Variants in LIM2 observed in about 807,000 individuals in gnomAD.
The protein encoded by LIM2 is lens intrinsic membrane protein 2.
LIM2 carries 14 observed loss-of-function variants against 19.0 expected under a neutral mutation model. The observed-to-expected ratio is 0.74, with a 90% CI of 0.49 to 1.15. The LOEUF is 1.15. Ranked by LOEUF, LIM2 falls within the 50% of genes most tolerant of loss-of-function variation. The pLI is 0.00. For synonymous variants in LIM2, 78 were observed against 89.6 expected (o/e 0.87, Z 0.73); for missense variants, 230 against 243.5 (o/e 0.94, Z 0.37).
rs1986847381 is a variant in LIM2, at chr19:51,379,973, A to G, written c.*228T>C. 3 of 600,038 alleles carry G rather than the reference A, an allele frequency of 5.0e-6. No homozygotes were observed. 37.2% of individuals were successfully genotyped at this position (600,038 alleles called of 1,614,324 possible). On this transcript the variant is annotated 3_prime_UTR_variant, in exon 5 of 5. Transcript: ENST00000596399. Reference sequence around the variant, plus strand: ...CTAATGGATAGTCCATTTTTCTAACAACCTGCCAGGCAGACGGGGACTTGA... The same window carrying G: ...CTAATGGATAGTCCATTTTTCTAACGACCTGCCAGGCAGACGGGGACTTGA...
intron 2 of LIM2, among the ~76,000 whole-genome samples, chr19:51,385,010 A>G (rs1019211861): frequency 1.3e-5 from 2 of 152,032 alleles, no homozygotes; most frequent in Non-Finnish European, 2.9e-5. Context: ...CCACGGGAGC[A>G]CACCACCACG....
At chr19:51,381,610 T>G (rs1383709881) in intron 3 of LIM2, among the ~76,000 whole-genome samples, 1 of 152,202 alleles carries the variant, frequency 6.6e-6, no homozygotes, top group Non-Finnish European at 1.5e-5. Context: ...CTCTGCCCTC[T>G]GTGTCTCTTC....
At chr19:51,387,546 G>A (rs910101236) in intron 1 of LIM2, 97 bp from the exon 2 acceptor site, 1 of 1,548,252 alleles carries the variant, frequency 6.5e-7, no homozygotes, top group Non-Finnish European at 8.8e-7. Context: ...GATGCCAAGT[G>A]CTTGGGAGAA....
intron 2 of LIM2, among the ~76,000 whole-genome samples, chr19:51,383,934 C>G (rs1328284102): frequency 6.6e-6 from 1 of 152,180 alleles, no homozygotes; most frequent in Non-Finnish European, 1.5e-5. Context: ...ACCCAGTCTT[C>G]TGCCTTGTAG....
At chr19:51,383,982 G>A (rs183731154) in intron 2 of LIM2, among the ~76,000 whole-genome samples, 1 of 152,278 alleles carries the variant, frequency 6.6e-6, no homozygotes, top group Admixed American at 6.5e-5. Context: ...GTTTCTCCAT[G>A]GATTTTATGG....
chr19:51,382,079 C>T (rs779911149), intron 3 of LIM2, among the ~76,000 whole-genome samples: 95 of 152,244 alleles, frequency 6.2e-4, no homozygotes, highest in Non-Finnish European at 1.0e-3. Context: ...TAGTTTGTAG[C>T]CAGTGGATCA....
At chr19:51,383,027 C>CTTTTTTTTTTTTTTTTTTTTTTTT (rs1163859181) in intron 2 of LIM2, among the ~76,000 whole-genome samples, 3 of 88,304 alleles carry the variant, frequency 3.4e-5, no homozygotes, top group Admixed American at 1.7e-4. Context: ...TTTTTCTTTT[C>CTTTTTTTTTTTTTTTTTTTTTTTT]TTTTTTTTTT....
intron 2 of LIM2, among the ~76,000 whole-genome samples, chr19:51,385,014 C>T (rs1306331245): frequency 6.6e-6 from 1 of 151,986 alleles, no homozygotes; most frequent in Non-Finnish European, 1.5e-5. Flanking sequence ...GGGAGCACAC[C>T]ACCACGCCCA....
intron 2 of LIM2, 109 bp downstream of exon 2, chr19:51,387,160 C>T: frequency 6.2e-7 from 1 of 1,609,532 alleles, no homozygotes; most frequent in Non-Finnish European, 8.5e-7. Context: ...TGCTCCCTTT[C>T]CCTCTTTGAG....
intron 2 of LIM2, 161 bp downstream of exon 2, chr19:51,387,108 G>T (rs375094725): frequency 7.4e-7 from 1 of 1,346,976 alleles, no homozygotes; most frequent in African/African-American, 1.4e-5. Flanking sequence ...AAACAACCCT[G>T]TAGTCCCAGT....
chr19:51,384,697 G>A (rs1435493199), intron 2 of LIM2, among the ~76,000 whole-genome samples: 2 of 152,222 alleles, frequency 1.3e-5, no homozygotes, highest in Admixed American at 6.5e-5. Context: ...GAGACAACAC[G>A]TTTCTGTTGT....
At chr19:51,383,420 TC>T (rs2123668812) in intron 2 of LIM2, among the ~76,000 whole-genome samples, 1 of 152,348 alleles carries the variant, frequency 6.6e-6, no homozygotes, top group African/African-American at 2.4e-5. Context: ...TGTCTGTCTC[TC>T]CTCAGTAAAT....
Position 51,387,257 on chromosome 19 carries a change from C to G in LIM2, c.175+12G>C, listed in dbSNP as rs770626014. ...CCCCAGGCGCGGCCTGGACCCTGGCCGGGGGGCTCACCGATGCTGTCTGTC... is the reference window on the plus strand; with the variant it reads ...CCCCAGGCGCGGCCTGGACCCTGGCGGGGGGGCTCACCGATGCTGTCTGTC... On this transcript the variant is annotated intron_variant, in intron 2 of 4. Transcript: ENST00000596399. 3.1e-6 allele frequency: 5 copies of G among 1,614,018 alleles called. No homozygotes were observed. Among genetic ancestry groups the G allele is most frequent in the African/African-American group, 1.3e-5 (1 of 74,932 alleles).
chr19:51,382,750 C>T (rs1017302581), intron 2 of LIM2, among the ~76,000 whole-genome samples, 183 bp from the exon 3 acceptor site: 8 of 152,144 alleles, frequency 5.3e-5, no homozygotes, highest in Non-Finnish European at 1.0e-4. Flanking sequence ...GCACAGCTCC[C>T]GTGACCCATC....
At chr19:51,382,651 C>T in intron 2 of LIM2, 84 bp from the exon 3 acceptor site, 3 of 1,578,846 alleles carry the variant, frequency 1.9e-6, no homozygotes, top group Non-Finnish European at 2.6e-6. Context: ...AAATGCCTTG[C>T]CCCTTTCCAT....
At position 51,380,535 on chromosome 19, in the gene LIM2, A is replaced by G; in HGVS notation, c.430T>C (p.Trp144Arg). ...AAGAACGTCATGAGCACTGCCACCC[A>G]GCCCAGGATGTAGGACCAGGAAAAG... is the stretch of plus-strand genomic sequence containing the variant. ...WRFSWSYILG[W>R]VAVLMTFFAG... The change falls in exon 4 of 5, where the codon TGG (tryptophan) becomes CGG (arginine). Residue 144 changes from tryptophan (W) to arginine (R), a missense_variant. Trp to Arg is a moderately radical substitution (Grantham distance 101, BLOSUM62 -3). Transcript: ENST00000596399. 6.2e-7 allele frequency: 1 copy of G among 1,614,178 alleles called. No homozygotes were observed. Among genetic ancestry groups the G allele is most frequent in the Non-Finnish European group, 8.5e-7 (1 of 1,180,046 alleles).
chr19:51,384,447 A>G lies in LIM2; in HGVS notation c.176-1880T>C, dbSNP rs1453447835. ...CTCCAACTCAAAAACAAAACAAAAC[A>G]TAAAACAAAGACTGCCGTCCTTATA... On this transcript the variant is annotated intron_variant, in intron 2 of 4. Transcript: ENST00000596399. 2.0e-5 allele frequency among the ~76,000 whole-genome samples: 3 copies of G among 152,170 alleles called. No individual in the cohort carries two copies. The East Asian group carries it at 5.8e-4, about 29-fold the overall frequency.
chr19:51,382,829 G>A lies in LIM2; in HGVS notation c.176-262C>T, dbSNP rs569687987. Among the ~76,000 whole-genome samples, 27 of 152,014 alleles carry A rather than the reference G, an allele frequency of 1.8e-4. No individual in the cohort carries two copies. The Middle Eastern group carries it at 0.01, about 57-fold the overall frequency. ...ACGGCTAAGGGTTGTGACTCTCTTT[G>A]TCTGTCTCCCCCTCCAGCCTGATTG... is the stretch of plus-strand genomic sequence containing the variant. On this transcript the variant is annotated intron_variant, in intron 2 of 4. Coordinates refer to ENST00000596399, the MANE Select transcript of LIM2 (RefSeq NM_001161748.2).
intron 2 of LIM2, among the ~76,000 whole-genome samples, chr19:51,383,582 T>C (rs1986958052): frequency 6.6e-6 from 1 of 152,200 alleles, no homozygotes; most frequent in African/African-American, 2.4e-5. Flanking sequence ...TGCCCAGGGA[T>C]GGCCCCTCAG....
Sources: gnomAD v4.1 joint callset for allele counts (sites outside exome capture counted in the v4.1 genomes callset) on GRCh38, gnomAD v4.1.1 for gene constraint, MANE v1.5 for transcripts, NCBI Gene and HGNC (gene_info 2026-07-23, HGNC 2026-07-21) for gene names.